LRMDA: variants seen among roughly 807,000 people sequenced by gnomAD.
LRMDA encodes leucine-rich melanocyte differentiation-associated protein.
LRMDA carries 18 observed loss-of-function variants against 29.8 expected under a neutral mutation model. The ratio of observed to expected loss-of-function variants is 0.60; its 90% CI spans 0.42 to 0.90. The LOEUF is 0.90. Ranked by LOEUF, LRMDA falls within the 40% of genes least tolerant of loss-of-function variation. LRMDA has a pLI of 0.00. For missense variants in LRMDA, 273 were observed against 273.9 expected (o/e 1.00, Z 0.02); for synonymous variants, 125 against 109.4 (o/e 1.14, Z -0.89).
intron 5 of LRMDA, among the ~76,000 whole-genome samples, chr10:76,216,724 C>G (rs553022516): frequency 6.6e-6 from 1 of 152,278 alleles, no homozygotes; most frequent in African/African-American, 2.4e-5. Flanking sequence ...TGGCACAATA[C>G]TTTGCAAAAT....
intron 6 of LRMDA, among the ~76,000 whole-genome samples, chr10:76,457,901 C>A (rs960346530): frequency 1.3e-5 from 2 of 152,030 alleles, no homozygotes; most frequent in African/African-American, 2.4e-5. Flanking sequence ...CAACTGTAAT[C>A]ATTTACTAAG....
At chr10:76,359,851 G>A (rs1841289815) in intron 6 of LRMDA, among the ~76,000 whole-genome samples, 1 of 152,148 alleles carries the variant, frequency 6.6e-6, no homozygotes, top group Admixed American at 6.5e-5. Context: ...CGTTAAGGCT[G>A]GGAGTAGAGC....
At chr10:76,087,224 G>C (rs1355867757) in intron 5 of LRMDA, among the ~76,000 whole-genome samples, 1 of 152,154 alleles carries the variant, frequency 6.6e-6, no homozygotes, top group Non-Finnish European at 1.5e-5. Flanking sequence ...TCAGGTACTA[G>C]CTGTCTTCAT....
At chr10:76,279,647 G>A (rs1402771707) in intron 5 of LRMDA, among the ~76,000 whole-genome samples, 1 of 148,984 alleles carries the variant, frequency 6.7e-6, no homozygotes, top group African/African-American at 2.5e-5. Context: ...CCGGGTTCAA[G>A]CGATTCTCCT....
At chr10:76,187,029 G>C (rs1851162135) in intron 5 of LRMDA, among the ~76,000 whole-genome samples, 1 of 152,134 alleles carries the variant, frequency 6.6e-6, no homozygotes, top group African/African-American at 2.4e-5. Context: ...TTGTGTGTAA[G>C]ACTTGACATT....
chr10:75,628,931 C>T (rs1227452629), intron 2 of LRMDA, among the ~76,000 whole-genome samples: 2 of 152,238 alleles, frequency 1.3e-5, no homozygotes, highest in Non-Finnish European at 2.9e-5. Context: ...GCAGCCTCCT[C>T]ATTGCCCAAA....
intron 2 of LRMDA, among the ~76,000 whole-genome samples, chr10:75,799,699 T>TGC (rs1377774446): frequency 1.3e-5 from 2 of 151,098 alleles, no homozygotes; most frequent in Non-Finnish European, 3.0e-5. Flanking sequence ...TGTGTGTGTG[T>TGC]GTGTGTGTGT....
At chr10:76,223,841 T>G (rs2132261957) in intron 5 of LRMDA, among the ~76,000 whole-genome samples, 1 of 152,224 alleles carries the variant, frequency 6.6e-6, no homozygotes, top group Admixed American at 6.5e-5. Flanking sequence ...CTTTTCTCTG[T>G]TTTCTTGTCC....
intron 2 of LRMDA, among the ~76,000 whole-genome samples, chr10:75,948,592 C>T (rs563876461): frequency 9.2e-5 from 14 of 152,122 alleles, no homozygotes; most frequent in African/African-American, 2.9e-4. Context: ...CGTATGTTGG[C>T]GACAGATTAA....
At chr10:75,824,546 A>G (rs1442366734) in intron 2 of LRMDA, among the ~76,000 whole-genome samples, 1 of 152,334 alleles carries the variant, frequency 6.6e-6, no homozygotes, top group East Asian at 1.9e-4. Flanking sequence ...GGCAGGACCT[A>G]AAATCAATCT....
intron 5 of LRMDA, among the ~76,000 whole-genome samples, chr10:76,123,342 CAA>C (rs3042573): frequency 0.49 from 70,108 of 144,030 alleles, 16,969 homozygotes; most frequent in East Asian, 0.73. Context: ...TTATTTCTAC[CAA>C]AAAAAAAAAA....
At chr10:75,577,541 C>T (rs1017519126) in intron 2 of LRMDA, among the ~76,000 whole-genome samples, 4 of 152,046 alleles carry the variant, frequency 2.6e-5, no homozygotes, top group African/African-American at 9.7e-5. Flanking sequence ...CAGAGAACAC[C>T]GTGAAGATAC....
At position 76,363,250 on chromosome 10, in the gene LRMDA, AGAAAGAAG is replaced by A. The variant is rs1231099673; in HGVS notation, c.601+38769_601+38776del. ...AAGAAAGAAAGAAAGAAAGAAAGAAAGAAAGAAGGAAGGAAGGAAGGAAGGAAAGGAAG... is the reference window on the plus strand; with the variant it reads ...AAGAAAGAAAGAAAGAAAGAAAGAAAGAAGGAAGGAAGGAAGGAAAGGAAG... On this transcript the variant is annotated intron_variant, in intron 6 of 6. Transcript: ENST00000611255. Among the ~76,000 whole-genome samples the A allele has an allele frequency of 1.4e-3, 40 of 27,632 alleles. 6 individuals carry two copies. The highest frequency in any genetic ancestry group is 6.6e-3 in the East Asian group (14 of 2,128). 18.1% of individuals were successfully genotyped at this position (27,632 alleles called of 152,430 possible).
intron 6 of LRMDA, among the ~76,000 whole-genome samples, chr10:76,387,474 G>A (rs867617002): frequency 3.3e-5 from 5 of 151,952 alleles, no homozygotes; most frequent in Admixed American, 6.6e-5. Context: ...GGTGGTGCAC[G>A]TGCGTGTAAT....
intron 2 of LRMDA, among the ~76,000 whole-genome samples, chr10:75,449,712 A>T (rs1844437784): frequency 6.6e-6 from 1 of 152,104 alleles, no homozygotes; most frequent in African/African-American, 2.4e-5. Flanking sequence ...GGACCTCATG[A>T]GGCCTGGGAG....
intron 6 of LRMDA, among the ~76,000 whole-genome samples, chr10:76,444,958 TC>T (rs762579083): frequency 2.0e-5 from 3 of 152,168 alleles, no homozygotes; most frequent in African/African-American, 7.2e-5. Flanking sequence ...TATATTTATA[TC>T]CATATATATT....
intron 2 of LRMDA, among the ~76,000 whole-genome samples, chr10:75,880,479 A>C (rs1301093302): frequency 6.6e-6 from 1 of 152,250 alleles, no homozygotes; most frequent in Non-Finnish European, 1.5e-5. Flanking sequence ...AGATTGGAAA[A>C]ACAGGGGTCA....
intron 2 of LRMDA, among the ~76,000 whole-genome samples, chr10:75,496,033 G>C (rs1464791423): frequency 6.6e-6 from 1 of 152,242 alleles, no homozygotes; most frequent in African/African-American, 2.4e-5. Context: ...AATCTGATGA[G>C]TTGTGCTACC....
chr10:75,447,353 C>G (rs910758319), intron 2 of LRMDA, among the ~76,000 whole-genome samples: 3 of 152,000 alleles, frequency 2.0e-5, no homozygotes, highest in African/African-American at 4.8e-5. Context: ...TGGTGAAACC[C>G]CATCTCTACT....
Sources: gnomAD v4.1 joint callset for allele counts (sites outside exome capture counted in the v4.1 genomes callset) on GRCh38, gnomAD v4.1.1 for gene constraint, MANE v1.5 for transcripts, NCBI Gene and HGNC (gene_info 2026-07-23, HGNC 2026-07-21) for gene names.